FGGY: variants seen among roughly 807,000 people sequenced by gnomAD.
FGGY encodes the protein FGGY carbohydrate kinase domain-containing protein.
In FGGY, 72 loss-of-function variants were observed where a neutral mutation model predicts 71.3. The observed-to-expected ratio is 1.01, with a 90% CI of 0.84 to 1.23. The LOEUF is 1.23. Among genes scored for constraint, FGGY ranks in the 50% most tolerant of loss-of-function variants. FGGY has a pLI of 0.00. For synonymous variants in FGGY, 251 were observed against 250.3 expected, an observed-to-expected ratio of 1.00 and a Z score of -0.02; for missense variants, 668 against 682.3, an observed-to-expected ratio of 0.98 and a Z score of 0.23.
At chr1:59,541,383 C>T (rs1458385915) in intron 7 of FGGY, among the ~76,000 whole-genome samples, 1 of 152,096 alleles carries the variant, frequency 6.6e-6, no homozygotes, top group Non-Finnish European at 1.5e-5. Context: ...GACCATCTAA[C>T]TTGAGGGCAC....
intron 8 of FGGY, among the ~76,000 whole-genome samples, chr1:59,561,618 G>A (rs1299784358): frequency 2.0e-5 from 3 of 152,100 alleles, no homozygotes; most frequent in Admixed American, 6.5e-5. Context: ...TGTTGACCAC[G>A]GACCATGTAC....
chr1:59,397,451 C>G (rs987704136), intron 5 of FGGY, among the ~76,000 whole-genome samples: 3 of 152,182 alleles, frequency 2.0e-5, no homozygotes, highest in Non-Finnish European at 4.4e-5. Flanking sequence ...GGTATCACAA[C>G]AAGTTTGGCT....
intron 8 of FGGY, among the ~76,000 whole-genome samples, chr1:59,605,406 C>G (rs1211848815): frequency 1.3e-5 from 2 of 152,158 alleles, no homozygotes; most frequent in African/African-American, 2.4e-5. Flanking sequence ...CTCTCAAGAT[C>G]GGATGCTCTT....
At chr1:59,537,061 C>T (rs541100166) in intron 7 of FGGY, among the ~76,000 whole-genome samples, 4,229 of 151,410 alleles carry the variant, frequency 0.028, 200 homozygotes, top group African/African-American at 0.098. Flanking sequence ...CAAATTGTCC[C>T]TGTTTGCAGA....
intron 7 of FGGY, among the ~76,000 whole-genome samples, chr1:59,528,843 C>T (rs1278211159): frequency 6.6e-6 from 1 of 152,206 alleles, no homozygotes; most frequent in African/African-American, 2.4e-5. Flanking sequence ...AGTAATGTGG[C>T]TCTTCAAAGG....
intron 10 of FGGY, 78 bp from the exon 11 acceptor site, chr1:59,638,150 C>T: frequency 7.0e-7 from 1 of 1,432,516 alleles, no homozygotes; most frequent in Non-Finnish European, 9.5e-7. Flanking sequence ...TCTGGAAGTA[C>T]AAATGGTTTC....
intron 6 of FGGY, among the ~76,000 whole-genome samples, chr1:59,508,947 T>C (rs1466275709): frequency 1.3e-5 from 2 of 152,156 alleles, no homozygotes; most frequent in East Asian, 1.9e-4. Flanking sequence ...AGAGCTGAAC[T>C]GAGGTGCATT....
At chr1:59,488,713 C>G (rs1310162651) in intron 6 of FGGY, among the ~76,000 whole-genome samples, 1 of 151,648 alleles carries the variant, frequency 6.6e-6, no homozygotes, top group African/African-American at 2.4e-5. Flanking sequence ...TAAAACAACA[C>G]TTTTCTTGTA....
intron 8 of FGGY, among the ~76,000 whole-genome samples, chr1:59,602,396 G>A (rs2096586809): frequency 6.6e-6 from 1 of 152,126 alleles, no homozygotes; most frequent in African/African-American, 2.4e-5. Context: ...ATAACTCTTA[G>A]CAATGACTAT....
At chr1:59,708,677 G>A (rs868196666) in intron 14 of FGGY, among the ~76,000 whole-genome samples, 15 of 152,130 alleles carry the variant, frequency 9.9e-5, no homozygotes, top group Non-Finnish European at 1.5e-4. Flanking sequence ...GGTAATTCAC[G>A]TTCTCAAAGC....
intron 5 of FGGY, among the ~76,000 whole-genome samples, chr1:59,448,499 C>G (rs993403687): frequency 6.6e-6 from 1 of 152,076 alleles, no homozygotes; most frequent in South Asian, 2.1e-4. Context: ...TTCATGCACT[C>G]CAGGAGTCTA....
intron 5 of FGGY, among the ~76,000 whole-genome samples, chr1:59,444,375 C>G (rs566039240): frequency 3.7e-4 from 57 of 152,220 alleles, no homozygotes; most frequent in Non-Finnish European, 6.0e-4. Context: ...ATTAGCATAT[C>G]CATCTCAAGC....
chr1:59,755,542 C>G (rs1389794949), intron 14 of FGGY: 1 of 152,192 alleles, frequency 6.6e-6, no homozygotes, highest in Non-Finnish European at 1.5e-5. Context: ...CTCAGTAGAG[C>G]TGATACCTGA....
intron 11 of FGGY, among the ~76,000 whole-genome samples, chr1:59,642,556 C>T (rs906042816): frequency 2.8e-5 from 4 of 142,528 alleles, no homozygotes; most frequent in South Asian, 2.3e-4. Context: ...ACCTGGTAGG[C>T]GGAGGTTGCA....
intron 4 of FGGY, among the ~76,000 whole-genome samples, chr1:59,364,871 A>G (rs1458938776): frequency 6.6e-6 from 1 of 152,228 alleles, no homozygotes; most frequent in African/African-American, 2.4e-5. Flanking sequence ...TGAGGTGGGC[A>G]CCTCTTCATG....
At chr1:59,462,922 T>G (rs1166890891) in intron 6 of FGGY, among the ~76,000 whole-genome samples, 1 of 151,578 alleles carries the variant, frequency 6.6e-6, no homozygotes, top group African/African-American at 2.4e-5. Context: ...GATCTAGAAC[T>G]AGAAATACCA....
chr1:59,499,610 GA>G (rs1286599316), intron 6 of FGGY, among the ~76,000 whole-genome samples: 4 of 150,816 alleles, frequency 2.7e-5, no homozygotes, highest in Non-Finnish European at 5.9e-5. Flanking sequence ...ATTTCATTTG[GA>G]AAAAAAAAGT....
intron 5 of FGGY, among the ~76,000 whole-genome samples, chr1:59,387,602 A>G (rs1348990482): frequency 2.6e-5 from 4 of 152,186 alleles, no homozygotes; most frequent in African/African-American, 9.7e-5. Flanking sequence ...ATTTTTTTGC[A>G]GTATAATTTC....
intron 8 of FGGY, among the ~76,000 whole-genome samples, chr1:59,605,756 G>T (rs1051755324): frequency 1.3e-5 from 2 of 152,128 alleles, no homozygotes; most frequent in African/African-American, 4.8e-5. Flanking sequence ...GAGAGAACCG[G>T]GGTAGCTGAG....
Sources: gnomAD v4.1 joint callset for allele counts (sites outside exome capture counted in the v4.1 genomes callset) on GRCh38, gnomAD v4.1.1 for gene constraint, MANE v1.5 for transcripts, NCBI Gene and HGNC (gene_info 2026-07-23, HGNC 2026-07-21) for gene names.